Variants in CENPP observed in about 807,000 individuals in gnomAD.
CENPP encodes centromere protein P.
A neutral mutation model predicts 35.6 loss-of-function variants in CENPP; 24 were observed. The ratio of observed to expected loss-of-function variants is 0.67; its 90% confidence interval spans 0.49 to 0.95. The LOEUF (loss-of-function observed/expected upper bound fraction) is 0.95, where lower values mean the gene tolerates loss of function less well. Among genes scored for constraint, CENPP ranks in the 40% least tolerant of loss-of-function variants. The probability of loss-of-function intolerance (pLI) is 0.00; values close to 1 mark genes in which losing one functional copy is unlikely to be tolerated. For synonymous variants in CENPP, 120 were observed against 125.5 expected (o/e 0.96, Z 0.29); for missense variants, 332 against 345.3 (o/e 0.96, Z 0.31).
rs1293240470 is a variant in CENPP, at chr9:92,593,987, T to A, written c.565-17327T>A. Among the ~76,000 whole-genome samples, 2 of 152,194 alleles carry A rather than the reference T, an allele frequency of 1.3e-5. No homozygotes were observed. The highest frequency in any genetic ancestry group is 2.4e-5 in the African/African-American group (1 of 41,450). ...TAAGGCAAAACTGAGGAAATCTGAATGAAATTTGGACTTTAGTTATAGTAG... is the reference window on the plus strand; with the variant it reads ...TAAGGCAAAACTGAGGAAATCTGAAAGAAATTTGGACTTTAGTTATAGTAG... On this transcript the variant is annotated intron_variant, in intron 5 of 7. Coordinates refer to ENST00000375587, the MANE Select transcript of CENPP (RefSeq NM_001012267.3). This position sits in a 1 kb window ranked among gnomAD's most constrained non-coding sequence, Gnocchi z 4.1.
At chr9:92,449,797 C>T (rs1231313734) in intron 5 of CENPP, among the ~76,000 whole-genome samples, 3 of 152,096 alleles carry the variant, frequency 2.0e-5, no homozygotes, top group Admixed American at 6.5e-5. Flanking sequence ...CTTCTCCTTC[C>T]GCCATCATTG....
chr9:92,355,365 AT>A (rs1313293257), intron 4 of CENPP, among the ~76,000 whole-genome samples: 1 of 151,490 alleles, frequency 6.6e-6, no homozygotes, highest in Non-Finnish European at 1.5e-5. Flanking sequence ...TCCTACTTGC[AT>A]GTCTGTTTTT....
At chr9:92,436,930 T>A (rs962177281) in intron 5 of CENPP, among the ~76,000 whole-genome samples, 3 of 152,216 alleles carry the variant, frequency 2.0e-5, no homozygotes, top group African/African-American at 7.2e-5. Flanking sequence ...CTGGGTGTGG[T>A]GGCTCACACT....
chr9:92,542,527 G>A (rs191095546), intron 5 of CENPP, among the ~76,000 whole-genome samples: 536 of 149,708 alleles, frequency 3.6e-3, no homozygotes, highest in Middle Eastern at 0.011. Flanking sequence ...TTTTGAGATG[G>A]AGTCTCGCTC....
chr9:92,404,227 T>G (rs1428624869), intron 5 of CENPP, among the ~76,000 whole-genome samples: 1 of 152,112 alleles, frequency 6.6e-6, no homozygotes, highest in African/African-American at 2.4e-5. Flanking sequence ...CACTCAAGAG[T>G]TGCTGATGCT....
At chr9:92,545,548 C>T (rs1234793935) in intron 5 of CENPP, among the ~76,000 whole-genome samples, 2 of 150,052 alleles carry the variant, frequency 1.3e-5, no homozygotes, top group Non-Finnish European at 3.0e-5. Context: ...CGGGCCCCTT[C>T]AAGGCCCGAG....
At chr9:92,359,787 G>A (rs73518477) in intron 4 of CENPP, among the ~76,000 whole-genome samples, 3 of 150,622 alleles carry the variant, frequency 2.0e-5, no homozygotes, top group Admixed American at 1.3e-4. Context: ...GGAGGACAGG[G>A]TCCTTTTTTT....
chr9:92,486,436 A>T (rs367681864), intron 5 of CENPP, among the ~76,000 whole-genome samples: 24 of 152,218 alleles, frequency 1.6e-4, no homozygotes, highest in Non-Finnish European at 3.4e-4. Context: ...TAGTATTTTT[A>T]AAAACCAGGA....
chr9:92,453,519 A>G (rs1588139844), intron 5 of CENPP, among the ~76,000 whole-genome samples: 1 of 152,302 alleles, frequency 6.6e-6, no homozygotes, highest in Non-Finnish European at 1.5e-5. Flanking sequence ...TTCACTTCCA[A>G]CTATATGGTC....
intron 5 of CENPP, chr9:92,495,319 G>T: frequency 1.1e-6 from 1 of 874,364 alleles, no homozygotes; most frequent in South Asian, 5.3e-5. Context: ...AAATCATTAT[G>T]TTAGAAAATT....
intron 5 of CENPP, chr9:92,401,109 G>T (rs1843093106): frequency 6.8e-7 from 1 of 1,478,040 alleles, no homozygotes; most frequent in Non-Finnish European, 9.4e-7. Context: ...TTCTTTCTTG[G>T]GAGGTAATGG....
chr9:92,453,841 T>C (rs1181734622), intron 5 of CENPP, among the ~76,000 whole-genome samples: 1 of 152,132 alleles, frequency 6.6e-6, no homozygotes, highest in Non-Finnish European at 1.5e-5. Context: ...TTTGGAATGC[T>C]GGGTGTGGTG....
At chr9:92,547,601 TCC>T (rs1476976818) in intron 5 of CENPP, among the ~76,000 whole-genome samples, 3 of 152,220 alleles carry the variant, frequency 2.0e-5, no homozygotes, top group African/African-American at 7.2e-5. Context: ...GTATGAAATG[TCC>T]AAAATAGACG....
intron 3 of CENPP, chr9:92,339,558 C>A (rs1469380622): frequency 6.6e-6 from 1 of 152,138 alleles, no homozygotes; most frequent in African/African-American, 2.4e-5. Flanking sequence ...CCAAAGTGAC[C>A]AAGAAAAGGT....
At chr9:92,592,307 C>T (rs1016909063) in intron 5 of CENPP, among the ~76,000 whole-genome samples, 6 of 152,268 alleles carry the variant, frequency 3.9e-5, no homozygotes, top group Admixed American at 3.3e-4. Context: ...ATTCATTCTC[C>T]AGCCCAGGGC....
chr9:92,352,813 C>T (rs1440510675), intron 4 of CENPP, among the ~76,000 whole-genome samples: 1 of 151,790 alleles, frequency 6.6e-6, no homozygotes, highest in Non-Finnish European at 1.5e-5. Context: ...TCTGCCTTCT[C>T]CAGCCCACTG....
At chr9:92,589,638 C>T (rs376419187) in intron 5 of CENPP, among the ~76,000 whole-genome samples, 3 of 152,162 alleles carry the variant, frequency 2.0e-5, no homozygotes, top group Non-Finnish European at 4.4e-5. Context: ...TACATTTTTA[C>T]CTGCACTTGA....
At chr9:92,474,326 A>C (rs1036290639) in intron 5 of CENPP, among the ~76,000 whole-genome samples, 3 of 152,208 alleles carry the variant, frequency 2.0e-5, no homozygotes, top group African/African-American at 7.2e-5. Context: ...CCTGAGATAG[A>C]ACTGCATGTG....
intron 5 of CENPP, chr9:92,456,842 A>G: frequency 2.0e-6 from 1 of 507,328 alleles, no homozygotes; most frequent in Non-Finnish European, 2.6e-6. Flanking sequence ...ACTAAAGAAT[A>G]AGAATAGTGT....
Sources: allele counts gnomAD v4.1 joint callset (sites outside exome capture counted in the v4.1 genomes callset), GRCh38; gene constraint gnomAD v4.1.1; non-coding constraint Gnocchi (gnomAD v3.1); transcripts MANE v1.5; gene names NCBI Gene and HGNC (gene_info 2026-07-23, HGNC 2026-07-21).